STRN4: variants seen among roughly 807,000 people sequenced by gnomAD.
STRN4 encodes striatin-4.
A neutral mutation model predicts 77.9 loss-of-function variants in STRN4; 27 were observed. That is an observed-to-expected ratio of 0.35 (90% CI 0.26 to 0.48). The LOEUF is 0.48. Ranked by LOEUF, STRN4 falls within the 20% of genes least tolerant of loss-of-function variation. STRN4 has a pLI of 0.99. For missense variants in STRN4, 798 were observed against 1,049.7 expected (o/e 0.76, Z 3.31); for synonymous variants, 466 against 443.1 (o/e 1.05, Z -0.65).
In STRN4 at chr19:46,728,002, G is replaced by T. The variant is rs371895269; in HGVS notation, c.1045C>A (p.Arg349Ser). The T allele has an allele frequency of 1.2e-6, 2 of 1,613,870 alleles. No homozygotes were observed. The highest frequency in any genetic ancestry group is 1.7e-6 in the Non-Finnish European group (2 of 1,179,934). Reference protein sequence around the residue: ...VDGSPHELESRRVKLQGILAD... With the variant: ...VDGSPHELESSRVKLQGILAD... ...AGAATGCCTTGGAGTTTGACCCGAC[G>T]GCTTTCTGCAGGGTCGAGGCATAGG... Residue 349 changes from arginine (R) to serine (S), a missense_variant, in exon 8 of 18, where the codon CGT (arginine) becomes AGT (serine). By Grantham distance (110) the Arg-to-Ser change is moderately radical. This residue lies in a region of STRN4 where 511 missense variants were observed against 575.9 expected (regional missense o/e 0.89). Transcript: ENST00000263280.
intron 9 of STRN4, 48 bp downstream of exon 9, chr19:46,727,404 G>C (rs1177294049): frequency 6.6e-7 from 1 of 1,524,612 alleles, no homozygotes; most frequent in African/African-American, 1.4e-5. Flanking sequence ...GGCTGGCCCT[G>C]GGCGCAATGC....
In STRN4 at chr19:46,738,866, C is replaced by T; in HGVS notation, c.305G>A (p.Gly102Glu). ...ELQAQVAFLQGERKGQENLKT... is the reference protein window; with the variant it reads ...ELQAQVAFLQEERKGQENLKT... Reference sequence around the variant, plus strand: ...TAGATTCTCCTGCCCTTTCCTCTCTCCCTGAAGGAAGGCCACCTGAGCCTG... The same window carrying T: ...TAGATTCTCCTGCCCTTTCCTCTCTTCCTGAAGGAAGGCCACCTGAGCCTG... Residue 102 changes from glycine (G) to glutamate (E), a missense_variant, in exon 2 of 18, where the codon GGA (glycine) becomes GAA (glutamate). Physicochemically the swap from Gly to Glu is moderately conservative, Grantham distance 98. Coordinates refer to ENST00000263280, the MANE Select transcript of STRN4 (RefSeq NM_013403.3). This position sits in a 1 kb window ranked among gnomAD's most constrained non-coding sequence, Gnocchi z 4.5. 6.2e-7 allele frequency: 1 copy of T among 1,614,092 alleles called. No individual in the cohort carries two copies. The highest frequency in any genetic ancestry group is 1.1e-5 in the South Asian group (1 of 91,082).
In STRN4 at chr19:46,725,108, A is replaced by G. The variant is rs80046345; in HGVS notation, c.1473-180T>C. 9.4e-3 allele frequency among the ~76,000 whole-genome samples: 1,246 copies of G among 133,132 alleles called. 25 individuals carry two copies. The highest frequency in any genetic ancestry group is 0.066 in the East Asian group (273 of 4,134). 87.3% of individuals were successfully genotyped at this position (133,132 alleles called of 152,430 possible). ...CCCTGCCCTCCCCCACCCCACCTCC[A>G]TCTCCTCCCCTGAAGGGCTGTGCTG... On this transcript the variant is annotated intron_variant, in intron 11 of 17. Coordinates refer to ENST00000263280, the MANE Select transcript of STRN4 (RefSeq NM_013403.3).
chr19:46,737,332 A>C (rs1169186467), intron 3 of STRN4, among the ~76,000 whole-genome samples: 1 of 152,076 alleles, frequency 6.6e-6, no homozygotes, highest in Non-Finnish European at 1.5e-5. Context: ...GCAATGAGAT[A>C]ATTTGCTTAG....
chr19:46,720,903 C>T, intron 16 of STRN4, 132 bp from the exon 17 acceptor site: 1 of 1,090,930 alleles, frequency 9.2e-7, no homozygotes, highest in Non-Finnish European at 1.2e-6. Flanking sequence ...TCACCCTCTG[C>T]TCATCACCTC....
intron 3 of STRN4, among the ~76,000 whole-genome samples, chr19:46,737,861 G>T (rs576731804): frequency 6.6e-6 from 1 of 152,040 alleles, no homozygotes; most frequent in African/African-American, 2.4e-5. Flanking sequence ...TTCCCGCACC[G>T]TCCCCAGCAC....
Position 46,727,387 on chromosome 19 carries a change from T to C in STRN4, c.1248+65A>G, listed in dbSNP as rs965806769. The stretch of plus-strand genomic sequence containing the variant: ...GGCACGGGCGGCACCCAGTCAGAGC[T>C]TGCAGGGGCTGGCCCTGGGCGCAAT... On this transcript the variant is annotated intron_variant, in intron 9 of 17. Transcript: ENST00000263280. 8 of 1,407,084 alleles carry C rather than the reference T, an allele frequency of 5.7e-6. No individual in the cohort carries two copies. In the African/African-American group the frequency reaches 8.5e-5, roughly 15 times the overall value. 87.2% of individuals were successfully genotyped at this position (1,407,084 alleles called of 1,614,324 possible).
intron 4 of STRN4, 117 bp downstream of exon 4, chr19:46,736,706 A>T: frequency 2.7e-6 from 3 of 1,103,144 alleles, no homozygotes; most frequent in Non-Finnish European, 3.9e-6. Context: ...TGGCTGGCTA[A>T]GATCCTGATA....
In STRN4 at chr19:46,720,653, C is replaced by T. The variant is rs1255424882; in HGVS notation, c.2211G>A (p.Lys737=). The T allele has an allele frequency of 1.2e-6, 2 of 1,609,138 alleles. No individual in the cohort carries two copies. Among genetic ancestry groups the T allele is most frequent in the Non-Finnish European group, 1.7e-6 (2 of 1,177,312 alleles). Residue 737 remains lysine, a synonymous_variant, in exon 17 of 18, where the codon AAG becomes AAA. Transcript: ENST00000263280. The part of the protein sequence containing the change: ...AIHAVACHPS[K]ALIASAGADA... ...CAGCGCCAGCACTGGCAATGAGGGC[C>T]TTGCTGGGGTGGCAGGCAACAGCGT...
rs553338695 is a variant in STRN4, at chr19:46,738,321, C to T, written c.387-84G>A. 142 of 1,298,042 alleles carry T rather than the reference C, an allele frequency of 1.1e-4. 1 individual carries two copies. The East Asian group carries it at 2.8e-3, about 26-fold the overall frequency. The allele number at this position is 1,298,042 out of a possible 1,614,324, so 80.4% of individuals were successfully genotyped here. A position where few individuals can be genotyped will look rare whatever the true frequency, so the allele number is the denominator to read the frequency against. Reference sequence around the variant, plus strand: ...TACCTAAGGAATCCAGAATCCCAAACCCCAAATCACAGGGCCTCCCCCAGC... The same window carrying T: ...TACCTAAGGAATCCAGAATCCCAAATCCCAAATCACAGGGCCTCCCCCAGC... On this transcript the variant is annotated intron_variant, in intron 2 of 17. Coordinates refer to ENST00000263280, the MANE Select transcript of STRN4 (RefSeq NM_013403.3). This position sits in a 1 kb window ranked among gnomAD's most constrained non-coding sequence, Gnocchi z 4.5.
rs951054271 is a variant in STRN4 at position 46,733,722 on chromosome 19, G to A, written c.540-486C>T. Reference sequence around the variant, plus strand: ...CACGTTTGTATTATGTCCCCCAAGAGGCCTAGAAAGATCCATAAAAAACAT... The same window carrying A: ...CACGTTTGTATTATGTCCCCCAAGAAGCCTAGAAAGATCCATAAAAAACAT... On this transcript the variant is annotated intron_variant, in intron 4 of 17. Coordinates refer to ENST00000263280, the MANE Select transcript of STRN4 (RefSeq NM_013403.3). This position sits in a 1 kb window ranked among gnomAD's most constrained non-coding sequence, Gnocchi z 4.3. 1 of 154,972 alleles carries A rather than the reference G, an allele frequency of 6.5e-6. No individual in the cohort carries two copies. Among genetic ancestry groups the A allele is most frequent in the Non-Finnish European group, 1.4e-5 (1 of 69,618 alleles). 9.6% of individuals were successfully genotyped at this position (154,972 alleles called of 1,614,324 possible). A position where few individuals can be genotyped will look rare whatever the true frequency, so the allele number is the denominator to read the frequency against.
At chr19:46,729,993 C>T (rs554200049) in intron 6 of STRN4, among the ~76,000 whole-genome samples, 17 of 152,320 alleles carry the variant, frequency 1.1e-4, no homozygotes, top group African/African-American at 4.1e-4. Context: ...AGAGCCCTAC[C>T]CAACCAGCCA....
intron 1 of STRN4, among the ~76,000 whole-genome samples, chr19:46,743,640 C>T (rs2054513872): frequency 6.6e-6 from 1 of 152,184 alleles, no homozygotes; most frequent in Non-Finnish European, 1.5e-5. Context: ...TGGCTTATGC[C>T]TGTAATCCCA....
chr19:46,742,653 C>G (rs1270069681), intron 1 of STRN4, among the ~76,000 whole-genome samples: 1 of 150,746 alleles, frequency 6.6e-6, no homozygotes, highest in African/African-American at 2.4e-5. Flanking sequence ...ACTTCTGCTT[C>G]CCGGGTACAA....
chr19:46,723,236 C>T lies in STRN4; in HGVS notation c.1643G>A (p.Trp548Ter), dbSNP rs1264143970. The T allele has an allele frequency of 6.4e-7, 1 of 1,551,568 alleles. No homozygotes were observed. Among genetic ancestry groups the T allele is most frequent in the Non-Finnish European group, 8.7e-7 (1 of 1,148,420 alleles). The change falls in exon 13 of 18, where the codon TGG becomes TAG. Residue 548 changes from tryptophan (W) to a stop codon, truncating the protein, a stop_gained. Transcript: ENST00000263280. LOFTEE classifies it high-confidence loss of function. This position sits in a 1 kb window ranked among gnomAD's most constrained non-coding sequence, Gnocchi z 5.5. ...HVLEGHGDAV[W>*]GLAFSPTSQR... ...GGAGGTGGGACTGAAGGCCAGGCCCCACACGGCGTCCCCGTGGCCCTCCAG... is the reference window on the plus strand; with the variant it reads ...GGAGGTGGGACTGAAGGCCAGGCCCTACACGGCGTCCCCGTGGCCCTCCAG...
At chr19:46,727,373 C>A in intron 9 of STRN4, 79 bp downstream of exon 9, 1 of 1,257,654 alleles carries the variant, frequency 8.0e-7, no homozygotes, top group Admixed American at 2.0e-5. Context: ...GCACGGGCGG[C>A]ACCCAGTCAG....
At position 46,728,765 on chromosome 19, in the gene STRN4, C is replaced by A. The variant is rs2054182568; in HGVS notation, c.892G>T (p.Ala298Ser). ...KKQRVKLPSK[A>S]LVPEMEDEDE... is the part of the protein sequence containing the mutation. Reference sequence around the variant, plus strand: ...TCGTCTTCCATTTCGGGCACCAGAGCCTTGGATGGGAGCTGGCACATGGAG... The same window carrying A: ...TCGTCTTCCATTTCGGGCACCAGAGACTTGGATGGGAGCTGGCACATGGAG... Residue 298 changes from alanine to serine, a missense_variant, in exon 7 of 18, where the codon GCT becomes TCT. Ala to Ser is a moderately conservative substitution (Grantham distance 99). This residue lies in a region of STRN4 where 511 missense variants were observed against 575.9 expected (regional missense o/e 0.89). Transcript: ENST00000263280. The A allele has an allele frequency of 1.2e-6, 2 of 1,614,028 alleles. No homozygotes were observed. The highest frequency in any genetic ancestry group is 1.7e-5 in the Admixed American group (1 of 60,006).
chr19:46,742,593 C>T (rs1272969661), intron 1 of STRN4, among the ~76,000 whole-genome samples: 6 of 152,240 alleles, frequency 3.9e-5, no homozygotes, highest in Middle Eastern at 6.8e-3. Context: ...GATGGCATCT[C>T]GCTCTGTCAC....
At chr19:46,735,101 T>C (rs954462972) in intron 4 of STRN4, among the ~76,000 whole-genome samples, 1 of 151,908 alleles carries the variant, frequency 6.6e-6, no homozygotes, top group African/African-American at 2.4e-5. Flanking sequence ...AGCTCGGGTG[T>C]TCAAGACCAG....
Sources: allele counts gnomAD v4.1 joint callset (sites outside exome capture counted in the v4.1 genomes callset), GRCh38; gene constraint gnomAD v4.1.1; regional missense constraint gnomAD v4.1.1; non-coding constraint Gnocchi (gnomAD v3.1); transcripts MANE v1.5; gene names NCBI Gene and HGNC (gene_info 2026-07-23, HGNC 2026-07-21).